TTL: variants seen among roughly 807,000 people sequenced by gnomAD.
TTL encodes tubulin tyrosine ligase, also known as tubulin--tyrosine ligase.
A neutral mutation model predicts 41.1 loss-of-function variants in TTL; 10 were observed. The ratio of observed to expected loss-of-function variants is 0.24; its 90% CI spans 0.15 to 0.41. The LOEUF (loss-of-function observed/expected upper bound fraction) is 0.41. Ranked by LOEUF, TTL falls within the 10% of genes least tolerant of loss-of-function variation. TTL has a pLI of 1.00. For missense variants in TTL, 367 were observed against 460.4 expected, an observed-to-expected ratio of 0.80 and a Z score of 1.86; for synonymous variants, 175 against 175.5, an observed-to-expected ratio of 1.00 and a Z score of 0.02.
intron 5 of TTL, among the ~76,000 whole-genome samples, chr2:112,519,331 TG>T (rs1473153350): frequency 6.6e-6 from 1 of 152,218 alleles, no homozygotes; most frequent in Non-Finnish European, 1.5e-5. Flanking sequence ...TTCAAGATTT[TG>T]GTCTGACCTG....
intron 5 of TTL, among the ~76,000 whole-genome samples, chr2:112,513,622 T>C (rs1170243551): frequency 6.7e-6 from 1 of 148,698 alleles, no homozygotes; most frequent in East Asian, 1.9e-4. Context: ...AGTATAAATA[T>C]TTATACAAGT....
At chr2:112,519,853 G>A (rs143167937) in intron 5 of TTL, among the ~76,000 whole-genome samples, 84 of 152,168 alleles carry the variant, frequency 5.5e-4, no homozygotes, top group African/African-American at 1.9e-3. Context: ...GAATTAGGCC[G>A]GGCACGATGG....
At chr2:112,490,985 A>G (rs1159849262) in intron 2 of TTL, among the ~76,000 whole-genome samples, 3 of 151,820 alleles carry the variant, frequency 2.0e-5, no homozygotes, top group East Asian at 3.9e-4. Flanking sequence ...TAAAATATCT[A>G]TACTATGAGT....
intron 2 of TTL, among the ~76,000 whole-genome samples, chr2:112,487,422 A>G (rs190516233): frequency 6.6e-6 from 1 of 152,332 alleles, no homozygotes; most frequent in East Asian, 1.9e-4. Context: ...TATTCAAATT[A>G]TTCACTTAGA....
chr2:112,529,233 G>C lies in TTL; in HGVS notation c.*438G>C. ...CTGTGTGTTCCCCACCCATCCCTTC[G>C]GTAACACTCTGCCACACTAAGCTCT... is the stretch of plus-strand genomic sequence containing the variant. On this transcript the variant is annotated 3_prime_UTR_variant, in exon 7 of 7. Transcript: ENST00000233336. 1 of 281,240 alleles carries C rather than the reference G, an allele frequency of 3.6e-6. No homozygotes were observed. Among genetic ancestry groups the C allele is most frequent in the Non-Finnish European group, 6.8e-6 (1 of 147,004 alleles). 17.4% of individuals were successfully genotyped at this position (281,240 alleles called of 1,614,324 possible).
At chr2:112,527,347 A>G (rs568690859) in intron 6 of TTL, among the ~76,000 whole-genome samples, 1 of 152,160 alleles carries the variant, frequency 6.6e-6, no homozygotes, top group African/African-American at 2.4e-5. Flanking sequence ...TGCAGAGCTG[A>G]GTTCAATTCC....
intron 6 of TTL, 43 bp downstream of exon 6, chr2:112,520,468 T>G: frequency 6.2e-7 from 1 of 1,606,266 alleles, no homozygotes; most frequent in African/African-American, 1.3e-5. Flanking sequence ...GGGAAGTTGG[T>G]TCTGCAGTTG....
chr2:112,517,639 AAAG>A (rs1226832356), intron 5 of TTL, among the ~76,000 whole-genome samples: 39 of 151,806 alleles, frequency 2.6e-4, no homozygotes, highest in East Asian at 1.8e-3. Flanking sequence ...ATAATATTTT[AAAG>A]AATATTCTAA....
In TTL at chr2:112,499,111, G is replaced by A. The variant is rs183587960; in HGVS notation, c.470-2095G>A. On this transcript the variant is annotated intron_variant, in intron 3 of 6. Coordinates refer to ENST00000233336, the MANE Select transcript of TTL (RefSeq NM_153712.5). ...CTGAATCACCTGAGGTCAGGAGTTC[G>A]AGACAAGCCTGGCCAACATGGTGAA... Among the ~76,000 whole-genome samples, 732 of 152,274 alleles carry A rather than the reference G, an allele frequency of 4.8e-3. 1 individual carries two copies. The highest frequency in any genetic ancestry group is 5.7e-3 in the Non-Finnish European group (389 of 68,024).
intron 5 of TTL, among the ~76,000 whole-genome samples, chr2:112,509,350 G>A (rs1681858974): frequency 6.6e-6 from 1 of 151,812 alleles, no homozygotes; most frequent in African/African-American, 2.4e-5. Flanking sequence ...CACCCAGTTC[G>A]AGCTTCCTGG....
rs558492397 is a variant in TTL, at chr2:112,531,280, G to A, written c.*2485G>A. 71 of 227,088 alleles carry A rather than the reference G, an allele frequency of 3.1e-4. No homozygotes were observed. The highest frequency in any genetic ancestry group is 5.6e-4 in the Non-Finnish European group (64 of 113,968). 14.1% of individuals were successfully genotyped at this position (227,088 alleles called of 1,614,324 possible). A position where few individuals can be genotyped will look rare whatever the true frequency, so the allele number is the denominator to read the frequency against. On this transcript the variant is annotated 3_prime_UTR_variant, in exon 7 of 7. Transcript: ENST00000233336. ...CTTTTGGTCCATGTAAGTGCTACCC[G>A]TTGCTGGGGGAGGAGTCATGGTTTA... is the stretch of plus-strand genomic sequence containing the variant.
chr2:112,495,387 T>C (rs898799716), intron 3 of TTL, among the ~76,000 whole-genome samples: 1 of 152,354 alleles, frequency 6.6e-6, no homozygotes, highest in Non-Finnish European at 1.5e-5. Context: ...TTCTGTCTTA[T>C]TCATCCTTGT....
intron 2 of TTL, among the ~76,000 whole-genome samples, chr2:112,493,627 G>A (rs565695082): frequency 1.3e-5 from 2 of 152,250 alleles, no homozygotes; most frequent in African/African-American, 2.4e-5. Flanking sequence ...CCTATGTTCC[G>A]TTAGAAAAAT....
chr2:112,509,620 C>T (rs1472467800), intron 5 of TTL, among the ~76,000 whole-genome samples: 2 of 152,274 alleles, frequency 1.3e-5, no homozygotes, highest in South Asian at 2.1e-4. Context: ...GGAAAGGGAA[C>T]TCCCTGACCC....
chr2:112,527,169 C>T lies in TTL; in HGVS notation c.1020-1512C>T, dbSNP rs576828232. 1.4e-3 allele frequency among the ~76,000 whole-genome samples: 218 copies of T among 152,282 alleles called. 7 individuals carry two copies. The South Asian group carries it at 0.044, about 31-fold the overall frequency. On this transcript the variant is annotated intron_variant, in intron 6 of 6. Transcript: ENST00000233336. ...TCTGGGAGACAGTTTGTTATAATTT[C>T]TGTTCTTTTACATTTGCTGAGGAGT...
Position 112,482,376 on chromosome 2 carries a change from G to T in TTL, c.32G>T (p.Ser11Ile). The T allele has an allele frequency of 6.3e-7, 1 of 1,582,492 alleles. No homozygotes were observed. The highest frequency in any genetic ancestry group is 8.6e-7 in the Non-Finnish European group (1 of 1,165,244). ...ACCTTCGTGGTACGCGATGAGAACA[G>T]CAGCGTCTACGCCGAGGTCTCCCGG... MYTFVVRDEN[S>I]SVYAEVSRLL... Residue 11 changes from serine to isoleucine, a missense_variant, in exon 1 of 7, where the codon AGC becomes ATC. By Grantham distance (142) the Ser-to-Ile change is moderately radical. Coordinates refer to ENST00000233336, the MANE Select transcript of TTL (RefSeq NM_153712.5). The surrounding 1 kb of genome is among the most constrained non-coding windows in gnomAD (Gnocchi z 5.3).
intron 6 of TTL, 128 bp downstream of exon 6, chr2:112,520,553 G>A: frequency 7.6e-7 from 1 of 1,309,178 alleles, no homozygotes; most frequent in South Asian, 1.4e-5. Flanking sequence ...GAGACCCTTG[G>A]GAGGACTCTA....
At chr2:112,510,575 G>A (rs544538105) in intron 5 of TTL, among the ~76,000 whole-genome samples, 124 of 152,052 alleles carry the variant, frequency 8.2e-4, no homozygotes, top group African/African-American at 2.6e-3. Context: ...GGGTTCAAGC[G>A]ATTCTCCTGC....
chr2:112,488,988 G>A (rs1249280998), intron 2 of TTL, among the ~76,000 whole-genome samples: 1 of 151,944 alleles, frequency 6.6e-6, no homozygotes, highest in Non-Finnish European at 1.5e-5. Flanking sequence ...TTGGGAGGCT[G>A]AGGCAGGAGA....
Sources: allele counts gnomAD v4.1 joint callset (sites outside exome capture counted in the v4.1 genomes callset), GRCh38; gene constraint gnomAD v4.1.1; non-coding constraint Gnocchi (gnomAD v3.1); transcripts MANE v1.5; gene names NCBI Gene and HGNC (gene_info 2026-07-23, HGNC 2026-07-21).